KCNH5: variants seen among roughly 807,000 people sequenced by gnomAD.
KCNH5 encodes the protein voltage-gated delayed rectifier potassium channel KCNH5.
A neutral mutation model predicts 96.1 loss-of-function variants in KCNH5; 46 were observed. The observed-to-expected ratio is 0.48, with a 90% CI of 0.38 to 0.61. KCNH5 has a LOEUF of 0.61. Among genes scored for constraint, KCNH5 ranks in the 20% least tolerant of loss-of-function variants. The probability of loss-of-function intolerance (pLI) is 0.00; values close to 1 mark genes in which losing one functional copy is unlikely to be tolerated. For missense variants in KCNH5, 907 were observed against 1,225.8 expected (o/e 0.74, Z 3.88); for synonymous variants, 439 against 449.8 (o/e 0.98, Z 0.30).
chr14:63,031,544 A>G (rs1594684346), intron 1 of KCNH5, among the ~76,000 whole-genome samples: 1 of 152,104 alleles, frequency 6.6e-6, no homozygotes, highest in African/African-American at 2.4e-5. Flanking sequence ...TATGAAAATC[A>G]TATCCTTCTC....
chr14:62,980,795 T>C (rs1461724090), intron 6 of KCNH5, 77 bp downstream of exon 6: 2 of 1,446,286 alleles, frequency 1.4e-6, no homozygotes. Flanking sequence ...GTTTGGATTA[T>C]CTGTGGAATC....
At chr14:62,889,587 C>T (rs1796906427) in intron 7 of KCNH5, among the ~76,000 whole-genome samples, 1 of 152,164 alleles carries the variant, frequency 6.6e-6, no homozygotes, top group African/African-American at 2.4e-5. Context: ...TGGCCCTGTT[C>T]CCATTCCTCT....
intron 7 of KCNH5, among the ~76,000 whole-genome samples, chr14:62,939,872 G>A (rs1044889443): frequency 6.6e-6 from 1 of 151,958 alleles, no homozygotes; most frequent in Non-Finnish European, 1.5e-5. Context: ...CCCAGGAGGC[G>A]GAGGCTGCAG....
rs149261113 is a variant in KCNH5 at position 62,703,748 on chromosome 14, T to C, written c.*3760A>G. ...CATTCACATGATTATAAAATATTCA[T>C]ATTTGAAAGTTATCCATGTATGATA... On this transcript the variant is annotated 3_prime_UTR_variant, in exon 11 of 11. Coordinates refer to ENST00000322893, the MANE Select transcript of KCNH5 (RefSeq NM_139318.5). The C allele has an allele frequency of 2.5e-3, 376 of 152,032 alleles. No homozygotes were observed. Among genetic ancestry groups the C allele is most frequent in the African/African-American group, 8.5e-3 (354 of 41,560 alleles). 9.4% of individuals were successfully genotyped at this position (152,032 alleles called of 1,614,324 possible).
chr14:62,888,270 T>C (rs1366182244), intron 7 of KCNH5, among the ~76,000 whole-genome samples: 2 of 152,338 alleles, frequency 1.3e-5, no homozygotes, highest in East Asian at 3.9e-4. Context: ...GCACATACTA[T>C]AAGATGTGCT....
At chr14:62,781,529 CG>C (rs1566658573) in intron 9 of KCNH5, among the ~76,000 whole-genome samples, 5 of 152,134 alleles carry the variant, frequency 3.3e-5, no homozygotes, top group African/African-American at 1.2e-4. Context: ...CCGTAAGAGA[CG>C]GCCACGCCCG....
intron 8 of KCNH5, among the ~76,000 whole-genome samples, chr14:62,805,216 CT>C: frequency 6.6e-6 from 1 of 152,134 alleles, no homozygotes; most frequent in Non-Finnish European, 1.5e-5. Context: ...ATGTTATTTC[CT>C]TTTAATAATG....
intron 6 of KCNH5, among the ~76,000 whole-genome samples, chr14:62,976,320 G>A (rs1457955786): frequency 6.6e-6 from 1 of 150,554 alleles, no homozygotes; most frequent in Non-Finnish European, 1.5e-5. Context: ...GGAGAATGGC[G>A]TGAACCCAGG....
chr14:62,713,368 C>T (rs545604245), intron 10 of KCNH5, among the ~76,000 whole-genome samples: 1 of 152,294 alleles, frequency 6.6e-6, no homozygotes, highest in South Asian at 2.1e-4. Flanking sequence ...TTCCTAGAAC[C>T]TACCCAACTA....
intron 7 of KCNH5, among the ~76,000 whole-genome samples, chr14:62,874,436 G>A (rs1888326644): frequency 1.3e-5 from 2 of 152,298 alleles, no homozygotes; most frequent in South Asian, 4.1e-4. Context: ...ACACCAGTCA[G>A]AATGGCGATT....
intron 7 of KCNH5, among the ~76,000 whole-genome samples, chr14:62,892,649 C>A (rs903522834): frequency 6.6e-6 from 1 of 152,094 alleles, no homozygotes; most frequent in East Asian, 1.9e-4. Context: ...AACCTCAAAC[C>A]CTCTCTTGTC....
rs186633799 is a variant in KCNH5 at position 63,001,359 on chromosome 14, T to C, written c.405A>G (p.Lys135=). Residue 135 remains lysine, a synonymous_variant, in exon 4 of 11, where the codon AAA becomes AAG. Transcript: ENST00000322893. Reference sequence around the variant, plus strand: ...TTGTTGAATCATCCTCTATTGGCTGTTTGAACAACGTAATATCCTTGAAAG... The same window carrying C: ...TTGTTGAATCATCCTCTATTGGCTGCTTGAACAACGTAATATCCTTGAAAG... ...LCTFKDITLF[K]QPIEDDSTKG... 4 of 1,610,374 alleles carry C rather than the reference T, an allele frequency of 2.5e-6. No homozygotes were observed. In the East Asian group the frequency reaches 8.9e-5, roughly 36 times the overall value.
At chr14:62,794,079 C>G (rs866723125) in intron 9 of KCNH5, among the ~76,000 whole-genome samples, 4 of 151,780 alleles carry the variant, frequency 2.6e-5, no homozygotes, top group Non-Finnish European at 5.9e-5. Flanking sequence ...TCTCCTCAGT[C>G]CTAAACACCT....
At chr14:63,010,468 A>T (rs192873272) in intron 2 of KCNH5, among the ~76,000 whole-genome samples, 1 of 152,206 alleles carries the variant, frequency 6.6e-6, no homozygotes, top group Non-Finnish European at 1.5e-5. Context: ...TTAAAGGGAG[A>T]TGTGCATGGT....
chr14:62,969,880 G>A (rs778152377), intron 6 of KCNH5, among the ~76,000 whole-genome samples: 3 of 147,240 alleles, frequency 2.0e-5, no homozygotes, highest in Admixed American at 6.8e-5. Context: ...TGGGCAACGC[G>A]GTGAAACCCT....
chr14:62,711,104 T>C (rs752788567), intron 10 of KCNH5, among the ~76,000 whole-genome samples: 9 of 152,184 alleles, frequency 5.9e-5, no homozygotes, highest in Non-Finnish European at 1.2e-4. Context: ...TGGCTAATAA[T>C]TGCTTGCAAT....
chr14:62,753,569 T>C (rs1885550811), intron 10 of KCNH5, among the ~76,000 whole-genome samples: 1 of 151,794 alleles, frequency 6.6e-6, no homozygotes, highest in Non-Finnish European at 1.5e-5. Flanking sequence ...AGGCCAAGGG[T>C]AAAGAAAGGT....
chr14:62,960,253 G>C (rs752045879), intron 6 of KCNH5, among the ~76,000 whole-genome samples: 1 of 152,052 alleles, frequency 6.6e-6, no homozygotes, highest in Non-Finnish European at 1.5e-5. Flanking sequence ...TTCACTTTCT[G>C]ATCTAGATCA....
chr14:62,873,933 T>C (rs1461703694), intron 7 of KCNH5, among the ~76,000 whole-genome samples: 1 of 152,182 alleles, frequency 6.6e-6, no homozygotes, highest in Non-Finnish European at 1.5e-5. Flanking sequence ...GATCCCAGGC[T>C]TGCAACATGA....
Sources: gnomAD v4.1 joint callset for allele counts (sites outside exome capture counted in the v4.1 genomes callset) on GRCh38, gnomAD v4.1.1 for gene constraint, MANE v1.5 for transcripts, NCBI Gene and HGNC (gene_info 2026-07-23, HGNC 2026-07-21) for gene names.